The following PDGFC variants were observed in gnomAD, a reference collection of about 807,000 sequenced individuals.
PDGFC encodes the protein platelet derived growth factor C, also known as platelet-derived growth factor C.
A neutral mutation model predicts 35.5 loss-of-function variants in PDGFC; 12 were observed. The observed-to-expected ratio is 0.34, with a 90% CI of 0.22 to 0.55. The LOEUF (loss-of-function observed/expected upper bound fraction) is 0.55, where lower values mean the gene tolerates loss of function less well. Among genes scored for constraint, PDGFC ranks in the 20% least tolerant of loss-of-function variants. PDGFC has a pLI of 0.91. For synonymous variants in PDGFC, 159 were observed against 148.8 expected, an observed-to-expected ratio of 1.07 and a Z score of -0.50; for missense variants, 322 against 412.4, an observed-to-expected ratio of 0.78 and a Z score of 1.90.
intron 2 of PDGFC, among the ~76,000 whole-genome samples, chr4:156,825,695 T>A (rs1560828541): frequency 6.6e-6 from 1 of 151,236 alleles, no homozygotes; most frequent in Non-Finnish European, 1.5e-5. Context: ...GGCAAGAGTG[T>A]TCCAGGTATA....
chr4:156,885,873 T>C (rs1730364770), intron 1 of PDGFC, among the ~76,000 whole-genome samples: 2 of 151,822 alleles, frequency 1.3e-5, no homozygotes, highest in African/African-American at 4.8e-5. Flanking sequence ...CTGGGCAAGA[T>C]CTTGTCCAAA....
chr4:156,806,265 A>G (rs1333191052), intron 3 of PDGFC, among the ~76,000 whole-genome samples: 1 of 152,088 alleles, frequency 6.6e-6, no homozygotes, highest in East Asian at 1.9e-4. Context: ...TGCCCAGCTT[A>G]TCAGGCAAAG....
intron 4 of PDGFC, among the ~76,000 whole-genome samples, chr4:156,768,745 C>T (rs948609338): frequency 1.3e-5 from 2 of 151,988 alleles, no homozygotes; most frequent in African/African-American, 2.4e-5. Context: ...AGCCTCTACT[C>T]CTTTAGCAAG....
chr4:156,846,601 G>A (rs1729332143), intron 2 of PDGFC, among the ~76,000 whole-genome samples: 1 of 151,642 alleles, frequency 6.6e-6, no homozygotes, highest in South Asian at 2.1e-4. Context: ...ATGAAAAAAT[G>A]ATTAAAAAAC....
At chr4:156,866,968 T>C (rs1372252717) in intron 1 of PDGFC, among the ~76,000 whole-genome samples, 3 of 152,122 alleles carry the variant, frequency 2.0e-5, no homozygotes, top group Non-Finnish European at 4.4e-5. Flanking sequence ...CTACTGAGTG[T>C]TGTAAGTGGA....
intron 4 of PDGFC, among the ~76,000 whole-genome samples, chr4:156,769,974 C>G (rs1730649090): frequency 6.6e-6 from 1 of 151,964 alleles, no homozygotes; most frequent in Non-Finnish European, 1.5e-5. Flanking sequence ...GCTCTCAGCT[C>G]TCAAAGCATA....
intron 1 of PDGFC, among the ~76,000 whole-genome samples, chr4:156,896,499 C>T (rs1422218813): frequency 2.6e-5 from 4 of 152,144 alleles, no homozygotes; most frequent in Non-Finnish European, 5.9e-5. Context: ...ACAAGGATTC[C>T]TCCAGCCCTG....
At chr4:156,774,908 A>G (rs1168755448) in intron 3 of PDGFC, among the ~76,000 whole-genome samples, 1 of 152,190 alleles carries the variant, frequency 6.6e-6, no homozygotes, top group East Asian at 1.9e-4. Flanking sequence ...GCAAAGATAC[A>G]TGGAAAATGT....
chr4:156,892,515 A>G (rs1413724722), intron 1 of PDGFC, among the ~76,000 whole-genome samples: 1 of 152,234 alleles, frequency 6.6e-6, no homozygotes, highest in East Asian at 1.9e-4. Flanking sequence ...GAAATGAAAC[A>G]TAAATCATAA....
At chr4:156,893,261 A>G (rs1730555839) in intron 1 of PDGFC, among the ~76,000 whole-genome samples, 1 of 152,160 alleles carries the variant, frequency 6.6e-6, no homozygotes, top group South Asian at 2.1e-4. Flanking sequence ...GTAGCAATAC[A>G]TATTTTAACT....
intron 3 of PDGFC, among the ~76,000 whole-genome samples, chr4:156,793,926 T>C (rs987503728): frequency 1.3e-5 from 2 of 152,070 alleles, no homozygotes; most frequent in East Asian, 3.9e-4. Flanking sequence ...CACAACACCC[T>C]TGCAGTGAGA....
rs140614357 is a variant in PDGFC, at chr4:156,934,160, G to A, written c.118+36626C>T. ...TATTCTGAGAAATGTGTCTTTAGGC[G>A]ATTTTGTCATTGTGCTAACATCATA... On this transcript the variant is annotated intron_variant, in intron 1 of 5. Transcript: ENST00000502773. Among the ~76,000 whole-genome samples the A allele has an allele frequency of 3.4e-3, 518 of 152,252 alleles. 4 individuals carry two copies. The highest frequency in any genetic ancestry group is 0.012 in the African/African-American group (485 of 41,548).
chr4:156,767,729 C>T (rs1553963533), intron 5 of PDGFC, 44 bp downstream of exon 5: 8 of 1,216,890 alleles, frequency 6.6e-6, no homozygotes, highest in South Asian at 1.2e-5. Flanking sequence ...TGTTCTAAGA[C>T]ATAAAATACC....
intron 1 of PDGFC, among the ~76,000 whole-genome samples, chr4:156,897,474 G>T (rs1730662581): frequency 1.3e-5 from 2 of 151,252 alleles, no homozygotes; most frequent in Admixed American, 1.3e-4. Context: ...ACACTTTCTG[G>T]CCCTGAAATC....
intron 1 of PDGFC, among the ~76,000 whole-genome samples, chr4:156,868,955 A>C (rs573213170): frequency 3.3e-5 from 5 of 152,142 alleles, no homozygotes; most frequent in Non-Finnish European, 7.4e-5. Flanking sequence ...AAATGTTCCA[A>C]ACTCAATATA....
intron 2 of PDGFC, among the ~76,000 whole-genome samples, chr4:156,837,556 C>T (rs1435607900): frequency 6.6e-6 from 1 of 152,038 alleles, no homozygotes; most frequent in Admixed American, 6.5e-5. Context: ...TAAAAGACTG[C>T]ATCATTATTT....
chr4:156,874,857 C>T (rs72683357), intron 1 of PDGFC, among the ~76,000 whole-genome samples: 7,511 of 151,948 alleles, frequency 0.049, 203 homozygotes, highest in Middle Eastern at 0.085. Context: ...GCTAGGACTA[C>T]AGGTTCACCT....
intron 1 of PDGFC, among the ~76,000 whole-genome samples, chr4:156,924,543 G>T (rs561583372): frequency 2.0e-5 from 3 of 152,262 alleles, no homozygotes; most frequent in South Asian, 2.1e-4. Context: ...GTCACAGAAG[G>T]TGTCTTAATT....
intron 2 of PDGFC, among the ~76,000 whole-genome samples, chr4:156,836,437 T>G (rs553062153): frequency 6.6e-6 from 1 of 152,330 alleles, no homozygotes. Flanking sequence ...ATCTAATAAC[T>G]TTCTCCTTGA....
Sources: gnomAD v4.1 joint callset for allele counts (sites outside exome capture counted in the v4.1 genomes callset) on GRCh38, gnomAD v4.1.1 for gene constraint, MANE v1.5 for transcripts, NCBI Gene and HGNC (gene_info 2026-07-23, HGNC 2026-07-21) for gene names.